PDE2A: variants seen among roughly 807,000 people sequenced by gnomAD.
PDE2A encodes the protein phosphodiesterase 2A, also known as cGMP-dependent 3',5'-cyclic phosphodiesterase.
A neutral mutation model predicts 133.6 loss-of-function variants in PDE2A; 53 were observed. That is an observed-to-expected ratio of 0.40 (90% CI 0.32 to 0.50). The LOEUF (loss-of-function observed/expected upper bound fraction) is 0.50. Among genes scored for constraint, PDE2A ranks in the 20% least tolerant of loss-of-function variants. PDE2A has a pLI of 0.73. For missense variants in PDE2A, 796 were observed against 1,232.4 expected, an observed-to-expected ratio of 0.65 and a Z score of 5.30; for synonymous variants, 491 against 490.2, an observed-to-expected ratio of 1.00 and a Z score of -0.02.
At chr11:72,618,748 G>A (rs1044585396) in intron 2 of PDE2A, among the ~76,000 whole-genome samples, 1 of 152,162 alleles carries the variant, frequency 6.6e-6, no homozygotes, top group Non-Finnish European at 1.5e-5. Context: ...GAGAGGGGAG[G>A]CGATGGGCCT....
In PDE2A at chr11:72,581,395, G is replaced by A; in HGVS notation, c.2007C>T (p.Tyr669=). The A allele has an allele frequency of 6.2e-7, 1 of 1,613,022 alleles. No individual in the cohort carries two copies. Among genetic ancestry groups the A allele is most frequent in the Non-Finnish European group, 8.5e-7 (1 of 1,179,786 alleles). ...MHAFSVSHFC[Y]LLYKNLELTN... ...TGAGCTCCAGGTTCTTGTAGAGCAG[G>A]TAGCAGAAGTGGGAGACAGAAAAGG... Residue 669 remains tyrosine (Y), a synonymous_variant, in exon 23 of 31, where the codon TAC becomes TAT. Coordinates refer to ENST00000334456, the MANE Select transcript of PDE2A (RefSeq NM_002599.5).
chr11:72,614,511 T>C (rs546768358), intron 2 of PDE2A, among the ~76,000 whole-genome samples: 134 of 152,306 alleles, frequency 8.8e-4, no homozygotes, highest in African/African-American at 3.1e-3. Flanking sequence ...AATTTTCATG[T>C]GCACCAGAAC....
At chr11:72,611,013 C>T (rs1857190037) in intron 2 of PDE2A, among the ~76,000 whole-genome samples, 1 of 152,196 alleles carries the variant, frequency 6.6e-6, no homozygotes, top group African/African-American at 2.4e-5. Context: ...GATGCACGCT[C>T]CCCAGACGGG....
At chr11:72,659,860 CA>C (rs1215146446) in intron 1 of PDE2A, among the ~76,000 whole-genome samples, 1 of 152,162 alleles carries the variant, frequency 6.6e-6, no homozygotes, top group Non-Finnish European at 1.5e-5. Context: ...CCAGCCGATC[CA>C]ACCCTCACAT....
rs1223043400 is a variant in PDE2A at position 72,674,083 on chromosome 11, T to A, written c.71+54A>T. On this transcript the variant is annotated intron_variant, in intron 1 of 30. Coordinates refer to ENST00000334456, the MANE Select transcript of PDE2A (RefSeq NM_002599.5). ...CTCCTTGGAGGGACTCCCAGGACCCTGTCTGTGGCACCTCTCACAGCCGCT... is the reference window on the plus strand; with the variant it reads ...CTCCTTGGAGGGACTCCCAGGACCCAGTCTGTGGCACCTCTCACAGCCGCT... 9 of 1,565,834 alleles carry A rather than the reference T, an allele frequency of 5.7e-6. No individual in the cohort carries two copies. In the African/African-American group the frequency reaches 9.5e-5, roughly 16 times the overall value.
Position 72,590,772 on chromosome 11 carries a change from C to T in PDE2A, c.550-192G>A, listed in dbSNP as rs1185023803. Among the ~76,000 whole-genome samples the T allele has an allele frequency of 1.3e-5, 2 of 152,172 alleles. No individual in the cohort carries two copies. Among genetic ancestry groups the T allele is most frequent in the African/African-American group, 4.8e-5 (2 of 41,446 alleles). ...CCGGGGGCTCCCACAGCCCCTGGAG[C>T]GTCCGGCGGTCCAGGAACAGGAGGG... On this transcript the variant is annotated intron_variant, in intron 7 of 30. Transcript: ENST00000334456. The surrounding 1 kb of genome is among the most constrained non-coding windows in gnomAD (Gnocchi z 4.8).
chr11:72,655,629 T>TATGG (rs1854877412), intron 1 of PDE2A, among the ~76,000 whole-genome samples: 2 of 152,132 alleles, frequency 1.3e-5, no homozygotes, highest in African/African-American at 4.8e-5. Flanking sequence ...ATTTCCTGGA[T>TATGG]ATGGAGCCTA....
At position 72,578,938 on chromosome 11, in the gene PDE2A, A is replaced by G; in HGVS notation, c.2428T>C (p.Ser810Pro). 1 of 1,613,852 alleles carries G rather than the reference A, an allele frequency of 6.2e-7. No individual in the cohort carries two copies. Among genetic ancestry groups the G allele is most frequent in the South Asian group, 1.1e-5 (1 of 91,074 alleles). ...LCLLMTSCDL[S>P]DQTKGWKTTR... Reference sequence around the variant, plus strand: ...GTCTTCCAGCCCTTGGTCTGGTCAGAGAGGTCACAGGAGGTCATGAGGAGG... The same window carrying G: ...GTCTTCCAGCCCTTGGTCTGGTCAGGGAGGTCACAGGAGGTCATGAGGAGG... The change falls in exon 28 of 31, where the codon TCT becomes CCT. Residue 810 changes from serine to proline, a missense_variant. By Grantham distance (74) the Ser-to-Pro change is moderately conservative (BLOSUM62 -1). Transcript: ENST00000334456. The surrounding 1 kb of genome is among the most constrained non-coding windows in gnomAD (Gnocchi z 4.2).
intron 2 of PDE2A, chr11:72,636,181 C>A: frequency 9.4e-7 from 1 of 1,065,588 alleles, no homozygotes; most frequent in South Asian, 2.6e-5. Flanking sequence ...GGGAGCTGAA[C>A]AGGAAGGTCC....
intron 2 of PDE2A, among the ~76,000 whole-genome samples, chr11:72,622,520 A>C (rs971902590): frequency 1.3e-5 from 2 of 152,246 alleles, no homozygotes; most frequent in Non-Finnish European, 2.9e-5. Flanking sequence ...ATAAAAAGGA[A>C]GGAAATCCTG....
At chr11:72,624,872 G>A (rs927274591) in intron 2 of PDE2A, among the ~76,000 whole-genome samples, 3 of 152,168 alleles carry the variant, frequency 2.0e-5, no homozygotes, top group South Asian at 2.1e-4. Flanking sequence ...TCATGGTCAC[G>A]TACTTGATAT....
At chr11:72,622,373 G>A (rs777028676) in intron 2 of PDE2A, among the ~76,000 whole-genome samples, 14 of 152,184 alleles carry the variant, frequency 9.2e-5, no homozygotes, top group Non-Finnish European at 1.9e-4. Flanking sequence ...GAAAGAATTG[G>A]AAGCAGGATC....
chr11:72,597,705 C>A lies in PDE2A; in HGVS notation c.324-86G>T. 1 of 850,124 alleles carries A rather than the reference C, an allele frequency of 1.2e-6. No individual in the cohort carries two copies. Among genetic ancestry groups the A allele is most frequent in the South Asian group, 1.5e-5 (1 of 67,410 alleles). The allele number at this position is 850,124 out of a possible 1,614,324, so 52.7% of individuals were successfully genotyped here. On this transcript the variant is annotated intron_variant, in intron 4 of 30. Transcript: ENST00000334456. This position sits in a 1 kb window ranked among gnomAD's most constrained non-coding sequence, Gnocchi z 4.6. The stretch of plus-strand genomic sequence containing the variant: ...CCTGGGAACACAGGACAGTTTGGAC[C>A]CTGCACATGTGCAAGGATCTGGGCA...
chr11:72,577,680 A>C, intron 30 of PDE2A, 86 bp from the exon 31 acceptor site: 1 of 997,396 alleles, frequency 1.0e-6, no homozygotes, highest in Non-Finnish European at 1.6e-6. Context: ...AACAAATAGA[A>C]CTTCCACAAG....
At chr11:72,623,451 G>T (rs1455216650) in intron 2 of PDE2A, among the ~76,000 whole-genome samples, 2 of 152,008 alleles carry the variant, frequency 1.3e-5, no homozygotes, top group African/African-American at 4.8e-5. Flanking sequence ...CACCTCTTCT[G>T]TTGCCAAGCT....
intron 10 of PDE2A, 32 bp from the exon 11 acceptor site, chr11:72,589,824 G>A: frequency 6.2e-7 from 1 of 1,612,668 alleles, no homozygotes; most frequent in Non-Finnish European, 8.5e-7. Flanking sequence ...GCTGGTTAAA[G>A]GAAAGGCAAT....
intron 1 of PDE2A, among the ~76,000 whole-genome samples, chr11:72,667,387 G>C (rs951777825): frequency 6.6e-5 from 10 of 152,160 alleles, no homozygotes; most frequent in African/African-American, 2.4e-4. Context: ...ACCATGAGGA[G>C]AAAATTTCCT....
chr11:72,650,996 C>T (rs1854725508), intron 1 of PDE2A, among the ~76,000 whole-genome samples: 1 of 151,926 alleles, frequency 6.6e-6, no homozygotes, highest in Non-Finnish European at 1.5e-5. Flanking sequence ...CAACAGGGAC[C>T]AAGGCCCCAT....
chr11:72,598,363 G>T, intron 4 of PDE2A: 1 of 459,310 alleles, frequency 2.2e-6, no homozygotes, highest in Non-Finnish European at 4.0e-6. Flanking sequence ...GGGCAGGTGT[G>T]AGTGGCAGGG....
Sources: allele counts gnomAD v4.1 joint callset (sites outside exome capture counted in the v4.1 genomes callset), GRCh38; gene constraint gnomAD v4.1.1; non-coding constraint Gnocchi (gnomAD v3.1); transcripts MANE v1.5; gene names NCBI Gene and HGNC (gene_info 2026-07-23, HGNC 2026-07-21).